The following ALOX5 variants were observed in gnomAD, a reference collection of about 807,000 sequenced individuals.
The protein encoded by ALOX5 is polyunsaturated fatty acid 5-lipoxygenase.
A neutral mutation model predicts 87.9 loss-of-function variants in ALOX5; 64 were observed. That is an observed-to-expected ratio of 0.73 (90% CI 0.60 to 0.90). The LOEUF (loss-of-function observed/expected upper bound fraction) is 0.90, where lower values mean the gene tolerates loss of function less well. Among genes scored for constraint, ALOX5 ranks in the 40% least tolerant of loss-of-function variants. The pLI is 0.00. For missense variants in ALOX5, 822 were observed against 907.5 expected (o/e 0.91, Z 1.21); for synonymous variants, 388 against 355.1 (o/e 1.09, Z -1.04).
intron 2 of ALOX5, among the ~76,000 whole-genome samples, chr10:45,395,294 A>G (rs1726920179): frequency 6.6e-6 from 1 of 152,240 alleles, no homozygotes; most frequent in South Asian, 2.1e-4. Flanking sequence ...GGATGAATTC[A>G]TGTCCTTTGT....
intron 7 of ALOX5, among the ~76,000 whole-genome samples, chr10:45,439,972 G>A (rs765601604): frequency 1.7e-4 from 26 of 152,154 alleles, no homozygotes; most frequent in Non-Finnish European, 3.7e-4. Flanking sequence ...AGGAGCACCA[G>A]GGCAGACCCT....
chr10:45,399,261 T>G (rs1840616649), intron 3 of ALOX5, among the ~76,000 whole-genome samples: 1 of 152,208 alleles, frequency 6.6e-6, no homozygotes, highest in Admixed American at 6.5e-5. Flanking sequence ...TGTACAGATA[T>G]AAAGTAGATT....
intron 11 of ALOX5, 37 bp downstream of exon 11, chr10:45,443,574 C>A: frequency 6.2e-7 from 1 of 1,600,012 alleles, no homozygotes; most frequent in African/African-American, 1.3e-5. Context: ...CCGGCTCCCC[C>A]GCAGTCGGCA....
intron 2 of ALOX5, among the ~76,000 whole-genome samples, chr10:45,386,924 G>A (rs1014891590): frequency 8.5e-5 from 13 of 152,308 alleles, no homozygotes; most frequent in African/African-American, 1.7e-4. Context: ...AGTGAGAGAC[G>A]GCAGCAGGAC....
intron 1 of ALOX5, 103 bp downstream of exon 1, chr10:45,374,532 G>A: frequency 8.6e-7 from 1 of 1,158,626 alleles, no homozygotes; most frequent in Non-Finnish European, 1.1e-6. Context: ...CCGTCGGGGC[G>A]GCCCGGACAG....
chr10:45,412,858 TG>T (rs1282646676), intron 4 of ALOX5, among the ~76,000 whole-genome samples: 3 of 152,232 alleles, frequency 2.0e-5, no homozygotes, highest in African/African-American at 7.2e-5. Context: ...ATAGGTTCTG[TG>T]CACCTTTGTT....
At chr10:45,432,630 C>G (rs1841943443) in intron 7 of ALOX5, among the ~76,000 whole-genome samples, 1 of 151,918 alleles carries the variant, frequency 6.6e-6, no homozygotes, top group African/African-American at 2.4e-5. Context: ...TCTGTCATGC[C>G]ATTTACAAAA....
intron 4 of ALOX5, among the ~76,000 whole-genome samples, chr10:45,421,054 G>A (rs1841488497): frequency 6.6e-6 from 1 of 152,364 alleles, no homozygotes; most frequent in Non-Finnish European, 1.5e-5. Flanking sequence ...GGTGATCAAG[G>A]TGGCTGTTAC....
intron 4 of ALOX5, among the ~76,000 whole-genome samples, chr10:45,419,105 A>G (rs1281760987): frequency 1.3e-5 from 2 of 152,206 alleles, no homozygotes; most frequent in African/African-American, 4.8e-5. Flanking sequence ...TCTGTGCCGC[A>G]GTGTACGTAG....
rs1300473576 is a variant in ALOX5, at chr10:45,446,012, C to A, written c.*325C>A. On this transcript the variant is annotated 3_prime_UTR_variant, in exon 14 of 14. Coordinates refer to ENST00000374391, the MANE Select transcript of ALOX5 (RefSeq NM_000698.5). Reference sequence around the variant, plus strand: ...AGACATGGGATGATTATTTTCTGTTCTATTTGTGCTTAGTCCAATTCCTTG... The same window carrying A: ...AGACATGGGATGATTATTTTCTGTTATATTTGTGCTTAGTCCAATTCCTTG... 3.0e-6 allele frequency: 1 copy of A among 330,574 alleles called. No homozygotes were observed. Among genetic ancestry groups the A allele is most frequent in the African/African-American group, 2.1e-5 (1 of 47,806 alleles). 20.5% of individuals were successfully genotyped at this position (330,574 alleles called of 1,614,324 possible).
In ALOX5 at chr10:45,391,769, C is replaced by T. The variant is rs1175068115; in HGVS notation, c.350-4086C>T. On this transcript the variant is annotated intron_variant, in intron 2 of 13. Transcript: ENST00000374391. ...ACCACCCTGTCTGGGAGGTGAGGAGCGCCTCTGCCCGGCCGCCCTGTCTGA... is the reference window on the plus strand; with the variant it reads ...ACCACCCTGTCTGGGAGGTGAGGAGTGCCTCTGCCCGGCCGCCCTGTCTGA... 4.0e-5 allele frequency among the ~76,000 whole-genome samples: 6 copies of T among 151,320 alleles called. No individual in the cohort carries two copies. In the East Asian group the frequency reaches 5.9e-4, roughly 15 times the overall value.
intron 4 of ALOX5, among the ~76,000 whole-genome samples, 168 bp from the exon 5 acceptor site, chr10:45,423,873 G>T (rs1177583196): frequency 6.6e-6 from 1 of 152,132 alleles, no homozygotes; most frequent in Non-Finnish European, 1.5e-5. Flanking sequence ...ACAGCATCCC[G>T]TATAGATGCC....
rs1349794384 is a variant in ALOX5 at position 45,424,952 on chromosome 10, C to T, written c.662-8C>T. On this transcript the variant is annotated splice_polypyrimidine_tract_variant and splice_region_variant and intron_variant, in intron 5 of 13. Coordinates refer to ENST00000374391, the MANE Select transcript of ALOX5 (RefSeq NM_000698.5). Reference sequence around the variant, plus strand: ...AGCTCAGGGTGGGCCTCGCTTTTCTCCTGGTAGAGCGGGTCATGAATCACT... The same window carrying T: ...AGCTCAGGGTGGGCCTCGCTTTTCTTCTGGTAGAGCGGGTCATGAATCACT... The T allele has an allele frequency of 3.1e-6, 5 of 1,613,944 alleles. No homozygotes were observed. In the South Asian group the frequency reaches 3.3e-5, roughly 11 times the overall value.
chr10:45,410,215 A>G (rs1841023925), intron 3 of ALOX5, among the ~76,000 whole-genome samples: 1 of 152,242 alleles, frequency 6.6e-6, no homozygotes, highest in Non-Finnish European at 1.5e-5. Context: ...ATGATAGCTA[A>G]TTAATTGATC....
At position 45,443,483 on chromosome 10, in the gene ALOX5, C is replaced by T. The variant is rs1369165559; in HGVS notation, c.1519C>T (p.Gln507Ter). The T allele has an allele frequency of 1.2e-6, 2 of 1,613,196 alleles. No individual in the cohort carries two copies. Among genetic ancestry groups the T allele is most frequent in the South Asian group, 1.1e-5 (1 of 91,056 alleles). The change falls in exon 11 of 14, where the codon CAG becomes TAG. Residue 507 changes from glutamine (Q) to a stop codon, truncating the protein, a stop_gained. Transcript: ENST00000374391. LOFTEE classifies it high-confidence loss of function. ...GGTGGTGGAGGAGGACCCGGAGCTG[C>T]AGGACTTCGTGAACGATGTCTACGT... ...DQVVEEDPEL[Q>*]DFVNDVYVYG...
At chr10:45,412,819 A>C (rs1841117916) in intron 4 of ALOX5, among the ~76,000 whole-genome samples, 1 of 152,184 alleles carries the variant, frequency 6.6e-6, no homozygotes, top group African/African-American at 2.4e-5. Flanking sequence ...TTCCTTGCCT[A>C]AGGCCCCCAG....
At chr10:45,411,972 C>A in intron 3 of ALOX5, among the ~76,000 whole-genome samples, 1 of 152,220 alleles carries the variant, frequency 6.6e-6, no homozygotes, top group East Asian at 1.9e-4. Flanking sequence ...TCAGGGTTCC[C>A]ACTCTGATGC....
intron 12 of ALOX5, 110 bp from the exon 13 acceptor site, chr10:45,444,006 G>C: frequency 6.9e-7 from 1 of 1,439,954 alleles, no homozygotes; most frequent in Non-Finnish European, 9.2e-7. Flanking sequence ...GAGGATGGAC[G>C]GACTGCAGGG....
chr10:45,374,369 G>T lies in ALOX5; in HGVS notation c.90G>T (p.Ala30=). 1.9e-6 allele frequency: 3 copies of T among 1,551,540 alleles called. 1 individual carries two copies. In the South Asian group the frequency reaches 3.6e-5, roughly 19 times the overall value. Residue 30 remains alanine, a synonymous_variant, in exon 1 of 14, where the codon GCG becomes GCT. Coordinates refer to ENST00000374391, the MANE Select transcript of ALOX5 (RefSeq NM_000698.5). ...DYIYLSLVGS[A]GCSEKHLLDK... ...TCTACCTCAGCCTCGTGGGCTCGGC[G>T]GGCTGCAGCGAGAAGCACCTGCTGG...
Sources: allele counts gnomAD v4.1 joint callset (sites outside exome capture counted in the v4.1 genomes callset), GRCh38; gene constraint gnomAD v4.1.1; transcripts MANE v1.5; gene names NCBI Gene and HGNC (gene_info 2026-07-23, HGNC 2026-07-21).